Variants in SLC2A13 observed in about 807,000 individuals in gnomAD.
SLC2A13 encodes solute carrier family 2 member 13.
In SLC2A13, 32 loss-of-function variants were observed where a neutral mutation model predicts 64.4. That is an observed-to-expected ratio of 0.50 (90% CI 0.37 to 0.67). The LOEUF (loss-of-function observed/expected upper bound fraction) is 0.67. Among genes scored for constraint, SLC2A13 ranks in the 30% least tolerant of loss-of-function variants. The probability of loss-of-function intolerance (pLI) is 0.00; values close to 1 mark genes in which losing one functional copy is unlikely to be tolerated. For synonymous variants in SLC2A13, 338 were observed against 327.1 expected (o/e 1.03, Z -0.36); for missense variants, 743 against 829.2 (o/e 0.90, Z 1.28).
chr12:39,971,997 A>AAAATATATATATATAT (rs1375405006), intron 3 of SLC2A13, among the ~76,000 whole-genome samples: 7 of 77,352 alleles, frequency 9.0e-5, no homozygotes, highest in Non-Finnish European at 1.5e-4. Context: ...AAAAAAAAAA[A>AAAATATATATATATAT]ATATATATAT....
At chr12:40,010,550 T>TA (rs1364798191) in intron 3 of SLC2A13, among the ~76,000 whole-genome samples, 1 of 152,136 alleles carries the variant, frequency 6.6e-6, no homozygotes, top group African/African-American at 2.4e-5. Flanking sequence ...ACTGAAAACT[T>TA]AAGACAGTTA....
At chr12:39,948,468 A>G (rs987118470) in intron 4 of SLC2A13, among the ~76,000 whole-genome samples, 8 of 152,174 alleles carry the variant, frequency 5.3e-5, no homozygotes, top group African/African-American at 1.9e-4. Context: ...GGGAATAGGA[A>G]TAAAGGATTC....
intron 7 of SLC2A13, among the ~76,000 whole-genome samples, chr12:39,813,364 G>C (rs2135811101): frequency 6.6e-6 from 1 of 151,900 alleles, no homozygotes; most frequent in South Asian, 2.1e-4. Flanking sequence ...TAATTAACCG[G>C]ATGTACCCAT....
intron 3 of SLC2A13, among the ~76,000 whole-genome samples, chr12:39,954,799 CA>C (rs1383231818): frequency 3.3e-5 from 5 of 152,138 alleles, no homozygotes; most frequent in Non-Finnish European, 2.9e-5. Flanking sequence ...ACCAATTCAT[CA>C]AGAGAATATA....
chr12:39,989,490 A>G (rs1418621167), intron 3 of SLC2A13, among the ~76,000 whole-genome samples: 1 of 152,198 alleles, frequency 6.6e-6, no homozygotes, highest in Non-Finnish European at 1.5e-5. Flanking sequence ...TCACTGCCAA[A>G]TCTTCAGTGC....
intron 1 of SLC2A13, among the ~76,000 whole-genome samples, chr12:40,061,338 T>C (rs893836139): frequency 2.6e-5 from 4 of 151,892 alleles, no homozygotes; most frequent in African/African-American, 9.7e-5. Flanking sequence ...CTTAAAATGA[T>C]AGGAACAAGA....
chr12:40,068,976 G>A (rs1937851699), intron 1 of SLC2A13, among the ~76,000 whole-genome samples: 1 of 151,968 alleles, frequency 6.6e-6, no homozygotes, highest in South Asian at 2.1e-4. Flanking sequence ...GGCCACTGGT[G>A]AACAGCCATG....
At chr12:39,895,514 TTA>T (rs777418112) in intron 4 of SLC2A13, among the ~76,000 whole-genome samples, 840 of 56,568 alleles carry the variant, frequency 0.015, 23 homozygotes, top group African/African-American at 0.036. Flanking sequence ...AAAAAAAAAA[TTA>T]TATATATATA....
chr12:39,799,564 T>C (rs1941711350), intron 7 of SLC2A13, among the ~76,000 whole-genome samples: 1 of 151,952 alleles, frequency 6.6e-6, no homozygotes, highest in African/African-American at 2.4e-5. Context: ...AACAAGAAGA[T>C]AGCCCAAAAA....
chr12:39,860,740 C>T (rs1404907895), intron 6 of SLC2A13, among the ~76,000 whole-genome samples: 2 of 152,124 alleles, frequency 1.3e-5, no homozygotes, highest in Non-Finnish European at 2.9e-5. Flanking sequence ...ATTGATTTTT[C>T]TCTCCTAATA....
chr12:39,842,805 A>T (rs774101920), intron 6 of SLC2A13, among the ~76,000 whole-genome samples: 1 of 151,924 alleles, frequency 6.6e-6, no homozygotes, highest in Non-Finnish European at 1.5e-5. Flanking sequence ...GGCAACCACG[A>T]ATCTACTCTT....
intron 3 of SLC2A13, among the ~76,000 whole-genome samples, chr12:40,026,967 C>T (rs1204277299): frequency 2.0e-5 from 3 of 151,994 alleles, no homozygotes; most frequent in Non-Finnish European, 4.4e-5. Flanking sequence ...ATAATCCCAG[C>T]TACTCGGGAG....
chr12:39,859,410 A>G (rs1431692035), intron 6 of SLC2A13, among the ~76,000 whole-genome samples: 1 of 145,662 alleles, frequency 6.9e-6, no homozygotes, highest in African/African-American at 2.5e-5. Context: ...CCTGGGGAGC[A>G]TTTCAAAACA....
chr12:39,894,595 T>C (rs573752288), intron 4 of SLC2A13, among the ~76,000 whole-genome samples: 3 of 152,324 alleles, frequency 2.0e-5, no homozygotes, highest in African/African-American at 7.2e-5. Context: ...CTAAAATTTC[T>C]AACACTGAAA....
chr12:39,824,528 AAGG>A (rs1014316410), intron 7 of SLC2A13, among the ~76,000 whole-genome samples: 2 of 152,156 alleles, frequency 1.3e-5, no homozygotes, highest in African/African-American at 4.8e-5. Flanking sequence ...TCATTCATAA[AAGG>A]AGGTTAAGCT....
chr12:39,910,049 G>C (rs1220513552), intron 4 of SLC2A13, among the ~76,000 whole-genome samples: 1 of 151,902 alleles, frequency 6.6e-6, no homozygotes, highest in Admixed American at 6.6e-5. Context: ...AGATACATTA[G>C]TGTTATTTGA....
At chr12:39,760,526 G>A (rs1204761028) in intron 9 of SLC2A13, among the ~76,000 whole-genome samples, 2 of 151,984 alleles carry the variant, frequency 1.3e-5, no homozygotes, top group Admixed American at 1.3e-4. Context: ...TCCCTTCCCT[G>A]ACTAGAGGGA....
chr12:40,009,593 C>A (rs1422182344), intron 3 of SLC2A13, among the ~76,000 whole-genome samples: 1 of 152,056 alleles, frequency 6.6e-6, no homozygotes, highest in Non-Finnish European at 1.5e-5. Context: ...CCACACCCAG[C>A]CAATTTTTTA....
intron 4 of SLC2A13, among the ~76,000 whole-genome samples, chr12:39,918,501 T>A (rs1945558406): frequency 6.6e-6 from 1 of 151,910 alleles, no homozygotes; most frequent in Non-Finnish European, 1.5e-5. Context: ...CTTGATAGGT[T>A]GAGAAGAAAA....
Sources: allele counts gnomAD v4.1 joint callset (sites outside exome capture counted in the v4.1 genomes callset), GRCh38; gene constraint gnomAD v4.1.1; transcripts MANE v1.5; gene names NCBI Gene and HGNC (gene_info 2026-07-23, HGNC 2026-07-21).